CREB5: variants seen among roughly 807,000 people sequenced by gnomAD.
The protein encoded by CREB5 is cAMP responsive element binding protein 5, also known as cyclic AMP-responsive element-binding protein 5.
Under a neutral mutation model 57.1 loss-of-function variants are expected in CREB5, and 19 were observed. The observed-to-expected ratio is 0.33, with a 90% CI of 0.23 to 0.49. The LOEUF is 0.49. Among genes scored for constraint, CREB5 ranks in the 20% least tolerant of loss-of-function variants. The pLI, the probability that CREB5 is intolerant of heterozygous loss-of-function variation, is 0.99. For missense variants in CREB5, 579 were observed against 671.6 expected, an observed-to-expected ratio of 0.86 and a Z score of 1.52; for synonymous variants, 238 against 238.3, an observed-to-expected ratio of 1.00 and a Z score of 0.01.
intron 4 of CREB5, chr7:28,513,575 T>A (rs1365087649): frequency 6.6e-6 from 1 of 152,132 alleles, no homozygotes; most frequent in Non-Finnish European, 1.5e-5. Context: ...ATTCTTTTTG[T>A]CCTCCCATTT....
At chr7:28,302,636 T>C (rs1785116293) in intron 1 of CREB5, among the ~76,000 whole-genome samples, 2 of 152,148 alleles carry the variant, frequency 1.3e-5, no homozygotes, top group African/African-American at 4.8e-5. Flanking sequence ...TGTGATGTGC[T>C]GGGGCCAAAA....
At position 28,488,236 on chromosome 7, in the gene CREB5, G is replaced by T. The variant is rs1791654199; in HGVS notation, c.65G>T (p.Gly22Val). ...AGGCCGTTTGTCTGCAGTGCCCCAGGCTGCTCCCAGGTGAGTGTGCGGATC... is the reference window on the plus strand; with the variant it reads ...AGGCCGTTTGTCTGCAGTGCCCCAGTCTGCTCCCAGGTGAGTGTGCGGATC... The part of the protein sequence containing the change: ...QERPFVCSAP[G>V]CSQRFPTEDH... Residue 22 changes from glycine (G) to valine (V), a missense_variant, in exon 2 of 11, where the codon GGC becomes GTC. Gly to Val is a moderately radical substitution (Grantham distance 109, BLOSUM62 -3). Coordinates refer to ENST00000357727, the MANE Select transcript of CREB5 (RefSeq NM_182898.4). 3 of 1,613,732 alleles carry T rather than the reference G, an allele frequency of 1.9e-6. No individual in the cohort carries two copies. The highest frequency in any genetic ancestry group is 1.7e-6 in the Non-Finnish European group (2 of 1,179,814).
intron 7 of CREB5, among the ~76,000 whole-genome samples, chr7:28,766,099 A>G (rs1377325735): frequency 2.0e-5 from 3 of 150,788 alleles, no homozygotes; most frequent in Non-Finnish European, 4.4e-5. Context: ...AAAAAAAATG[A>G]GATAATATTT....
rs146481984 is a variant in CREB5, at chr7:28,320,077, C to T, written c.-25+20636C>T. Among the ~76,000 whole-genome samples the T allele has an allele frequency of 2.7e-3, 406 of 152,120 alleles. 1 individual carries two copies. Among genetic ancestry groups the T allele is most frequent in the African/African-American group, 8.4e-3 (350 of 41,502 alleles). On this transcript the variant is annotated intron_variant, in intron 1 of 9. Transcript: ENST00000396299. ...TCCCAAGTAGCTAAGACTACAGCTG[C>T]GTGCCACCATGCCTGGCTAATTTTT...
chr7:28,454,151 C>T (rs1011563867), intron 1 of CREB5, among the ~76,000 whole-genome samples: 1 of 152,010 alleles, frequency 6.6e-6, no homozygotes, highest in African/African-American at 2.4e-5. Context: ...GACGGGGCTT[C>T]ATCGTGTTAG....
At chr7:28,634,073 C>T (rs1272692714) in intron 5 of CREB5, among the ~76,000 whole-genome samples, 2 of 152,194 alleles carry the variant, frequency 1.3e-5, no homozygotes, top group East Asian at 3.9e-4. Flanking sequence ...TTTTCAGCCT[C>T]CTCTGTTTCT....
chr7:28,376,645 G>A (rs1156541038), intron 1 of CREB5, among the ~76,000 whole-genome samples: 1 of 152,218 alleles, frequency 6.6e-6, no homozygotes. Flanking sequence ...GTGGTTGGAT[G>A]AGTGAAGCAG....
At chr7:28,559,039 C>T (rs1222604644) in intron 4 of CREB5, among the ~76,000 whole-genome samples, 1 of 152,254 alleles carries the variant, frequency 6.6e-6, no homozygotes, top group East Asian at 1.9e-4. Context: ...CCTTTCGTCT[C>T]CCACACTACA....
intron 4 of CREB5, among the ~76,000 whole-genome samples, chr7:28,538,904 A>G (rs959798217): frequency 2.0e-5 from 3 of 152,206 alleles, no homozygotes; most frequent in African/African-American, 4.8e-5. Flanking sequence ...TATTTTCTAG[A>G]TATCTTTCTA....
chr7:28,658,953 G>GTGTATATATATATATATATA (rs1400561698), intron 5 of CREB5, among the ~76,000 whole-genome samples: 2 of 99,584 alleles, frequency 2.0e-5, no homozygotes, highest in Admixed American at 1.0e-4. Context: ...GTGTGTGTGT[G>GTGTATATATATATATATATA]TATATATATA....
rs183248279 is a variant in CREB5, at chr7:28,439,208, C to A, written c.3+26291C>A. 2.2e-3 allele frequency among the ~76,000 whole-genome samples: 339 copies of A among 152,272 alleles called. 4 individuals are homozygous for A. The highest frequency in any genetic ancestry group is 8.0e-3 in the African/African-American group (334 of 41,548). On this transcript the variant is annotated intron_variant, in intron 1 of 10. Transcript: ENST00000357727. ...ACTGCAGGCAGAATGAAAAACCAGA[C>A]CTGACTATATCAACCCTCTGTTGGT...
intron 1 of CREB5, among the ~76,000 whole-genome samples, chr7:28,482,694 T>A (rs217518): frequency 0.3 from 46,096 of 152,108 alleles, 7,917 homozygotes; most frequent in Middle Eastern, 0.38. Flanking sequence ...GTTGTCAATA[T>A]CACGAATAAA....
chr7:28,486,241 GT>G (rs1484527953), intron 1 of CREB5, among the ~76,000 whole-genome samples: 1 of 152,028 alleles, frequency 6.6e-6, no homozygotes, highest in African/African-American at 2.4e-5. Context: ...TTTTCACTTT[GT>G]GCTTCAGAAA....
intron 7 of CREB5, chr7:28,726,754 TA>T (rs1803357057): frequency 6.6e-6 from 1 of 152,194 alleles, no homozygotes. Flanking sequence ...AGCACAGAAG[TA>T]ACCAGAGAGC....
intron 4 of CREB5, among the ~76,000 whole-genome samples, chr7:28,553,942 T>C (rs1410550636): frequency 2.0e-5 from 3 of 152,154 alleles, no homozygotes; most frequent in African/African-American, 7.2e-5. Context: ...CAGAATTCCT[T>C]TCCCTTCACT....
intron 5 of CREB5, among the ~76,000 whole-genome samples, chr7:28,652,956 T>C (rs77663435): frequency 0.027 from 4,161 of 152,320 alleles, 193 homozygotes; most frequent in African/African-American, 0.096. Context: ...TCTTCTTTTT[T>C]CTGTCTAGGA....
intron 5 of CREB5, among the ~76,000 whole-genome samples, chr7:28,685,497 G>T (rs1268542007): frequency 6.6e-6 from 1 of 152,070 alleles, no homozygotes; most frequent in East Asian, 1.9e-4. Context: ...GGAAAAAAGG[G>T]CCCTGGGCGA....
intron 1 of CREB5, among the ~76,000 whole-genome samples, chr7:28,321,580 C>G (rs1255353612): frequency 6.6e-6 from 1 of 152,138 alleles, no homozygotes; most frequent in Non-Finnish European, 1.5e-5. Context: ...CGCCCAACTC[C>G]ACCCTTTGCT....
At chr7:28,564,288 A>G (rs1281499524) in intron 4 of CREB5, among the ~76,000 whole-genome samples, 2 of 152,210 alleles carry the variant, frequency 1.3e-5, no homozygotes, top group African/African-American at 4.8e-5. Flanking sequence ...GTTGGATGGA[A>G]TATAGATTTG....
Sources: allele counts gnomAD v4.1 joint callset (sites outside exome capture counted in the v4.1 genomes callset), GRCh38; gene constraint gnomAD v4.1.1; transcripts MANE v1.5; gene names NCBI Gene and HGNC (gene_info 2026-07-23, HGNC 2026-07-21).